Variants in PDE1C observed in about 807,000 individuals in gnomAD.
PDE1C encodes dual specificity calcium/calmodulin-dependent 3',5'-cyclic nucleotide phosphodiesterase 1C.
Under a neutral mutation model 93.1 loss-of-function variants are expected in PDE1C, and 62 were observed. The observed-to-expected ratio is 0.67, with a 90% CI of 0.54 to 0.82. The LOEUF (loss-of-function observed/expected upper bound fraction) is 0.82, where lower values mean the gene tolerates loss of function less well. Among genes scored for constraint, PDE1C ranks in the 40% least tolerant of loss-of-function variants. The probability of loss-of-function intolerance (pLI) is 0.00; values close to 1 mark genes in which losing one functional copy is unlikely to be tolerated. For missense variants in PDE1C, 742 were observed against 884.6 expected, an observed-to-expected ratio of 0.84 and a Z score of 2.04; for synonymous variants, 325 against 310.1, an observed-to-expected ratio of 1.05 and a Z score of -0.50.
intron 2 of PDE1C, among the ~76,000 whole-genome samples, chr7:32,182,204 C>T (rs1258463737): frequency 5.3e-5 from 8 of 152,146 alleles, no homozygotes; most frequent in Admixed American, 2.0e-4. Context: ...GATTCACAGC[C>T]GAATTCTACC....
the PDE1C span, among the ~76,000 whole-genome samples, chr7:31,669,352 T>G: frequency 6.6e-6 from 1 of 152,216 alleles, no homozygotes; most frequent in Non-Finnish European, 1.5e-5. Flanking sequence ...TTTGACCCAC[T>G]GTTAATCTTT....
chr7:31,887,209 T>C (rs1798063658), intron 2 of PDE1C, among the ~76,000 whole-genome samples: 1 of 152,184 alleles, frequency 6.6e-6, no homozygotes, highest in African/African-American at 2.4e-5. Context: ...GTAGTATGGA[T>C]GGTTGCTTTT....
the PDE1C span, among the ~76,000 whole-genome samples, chr7:31,623,735 A>C: frequency 6.9e-6 from 1 of 144,190 alleles, no homozygotes; most frequent in East Asian, 2.2e-4. Context: ...CTCTATCACC[A>C]CGCCTATTCA....
At chr7:32,158,691 T>A (rs1461100823) in intron 3 of PDE1C, among the ~76,000 whole-genome samples, 1 of 152,182 alleles carries the variant, frequency 6.6e-6, no homozygotes, top group Non-Finnish European at 1.5e-5. Context: ...GAAACCTTCA[T>A]TTCGATGCTA....
At chr7:32,358,897 C>CTGTGTGTG (rs71559224) in intron 1 of PDE1C, among the ~76,000 whole-genome samples, 4 of 145,404 alleles carry the variant, frequency 2.8e-5, no homozygotes, top group East Asian at 2.0e-4. Context: ...GTGTGTGTGT[C>CTGTGTGTG]TGTGTGTGTG....
At chr7:31,783,778 A>C (rs1465080043) in intron 16 of PDE1C, 1 of 152,158 alleles carries the variant, frequency 6.6e-6, no homozygotes, top group Non-Finnish European at 1.5e-5. Context: ...GTTAAGCAGC[A>C]TCTTAGAGAA....
chr7:32,021,737 T>C (rs929546258), intron 2 of PDE1C, among the ~76,000 whole-genome samples: 1 of 152,138 alleles, frequency 6.6e-6, no homozygotes, highest in South Asian at 2.1e-4. Context: ...ATCTAGTTGA[T>C]GTCTATCCAC....
intron 1 of PDE1C, among the ~76,000 whole-genome samples, chr7:32,415,359 G>A (rs996905443): frequency 6.6e-6 from 1 of 152,182 alleles, no homozygotes; most frequent in Admixed American, 6.5e-5. Flanking sequence ...GCTGAGGCAG[G>A]AGAATAGCTT....
At chr7:32,278,454 A>G (rs1046061329) in intron 1 of PDE1C, among the ~76,000 whole-genome samples, 3 of 152,262 alleles carry the variant, frequency 2.0e-5, no homozygotes, top group Non-Finnish European at 4.4e-5. Context: ...GACAAACTGC[A>G]TAAGCAGATC....
In PDE1C at chr7:32,117,959, T is replaced by C. The variant is rs189780478; in HGVS notation, c.308+51826A>G. ...TGCATCCTTGAGGGCTGGTTTCTGTTACCCTAAAGGAAGCTTTAACAGGAC... is the reference window on the plus strand; with the variant it reads ...TGCATCCTTGAGGGCTGGTTTCTGTCACCCTAAAGGAAGCTTTAACAGGAC... On this transcript the variant is annotated intron_variant, in intron 3 of 18. Coordinates refer to the PDE1C transcript ENST00000396193. 8.8e-4 allele frequency among the ~76,000 whole-genome samples: 134 copies of C among 152,320 alleles called. 1 individual carries two copies. Among genetic ancestry groups the C allele is most frequent in the African/African-American group, 3.1e-3 (130 of 41,578 alleles).
chr7:32,267,582 A>ACT (rs1562634837), intron 1 of PDE1C, among the ~76,000 whole-genome samples: 932 of 70,394 alleles, frequency 0.013, 5 homozygotes, highest in East Asian at 0.049. Context: ...TCACACACAC[A>ACT]CACACTCTCT....
chr7:31,698,079 A>G, the PDE1C span, among the ~76,000 whole-genome samples: 1 of 152,224 alleles, frequency 6.6e-6, no homozygotes, highest in Non-Finnish European at 1.5e-5. Context: ...ACCTTTGGGC[A>G]GTTTTTCACT....
intron 2 of PDE1C, among the ~76,000 whole-genome samples, chr7:32,195,854 C>T (rs1804575320): frequency 6.6e-6 from 1 of 152,160 alleles, no homozygotes; most frequent in African/African-American, 2.4e-5. Context: ...ACTGGGCTTC[C>T]ATTGCTCCAT....
intron 1 of PDE1C, among the ~76,000 whole-genome samples, chr7:32,321,015 G>A (rs1783281151): frequency 6.6e-6 from 1 of 152,200 alleles, no homozygotes; most frequent in Non-Finnish European, 1.5e-5. Context: ...AATGGGGAGA[G>A]AACGAAGGTG....
At chr7:32,157,559 G>A (rs1358554165) in intron 3 of PDE1C, among the ~76,000 whole-genome samples, 2 of 121,718 alleles carry the variant, frequency 1.6e-5, no homozygotes, top group Admixed American at 8.5e-5. Flanking sequence ...AAAAAATATG[G>A]CTGTTAAAGA....
the PDE1C span, among the ~76,000 whole-genome samples, chr7:31,682,118 T>C: frequency 1.3e-5 from 2 of 152,284 alleles, no homozygotes; most frequent in African/African-American, 2.4e-5. Context: ...AAGAAGGGGA[T>C]GATAACAATA....
At chr7:32,277,532 C>A (rs2128890428) in intron 1 of PDE1C, among the ~76,000 whole-genome samples, 1 of 152,250 alleles carries the variant, frequency 6.6e-6, no homozygotes, top group South Asian at 2.1e-4. Flanking sequence ...AATAACAGAA[C>A]TAAAATTGAT....
chr7:32,350,089 G>GTTC lies in PDE1C; in HGVS notation c.310+77732_310+77733insGAA, dbSNP rs879390940. On this transcript the variant is annotated intron_variant, in intron 1 of 1. Coordinates refer to the PDE1C transcript ENST00000672256. ...GTATTGTCTTGCTGTTGTTGTTGTTGTTGTTCTTCTTCTTCCTTCTTCTTT... is the reference window on the plus strand; with the variant it reads ...GTATTGTCTTGCTGTTGTTGTTGTTGTTCTTGTTCTTCTTCTTCCTTCTTCTTT... Among the ~76,000 whole-genome samples, 738 of 148,584 alleles carry GTTC rather than the reference G, an allele frequency of 5.0e-3. 3 individuals carry two copies. Among genetic ancestry groups the GTTC allele is most frequent in the South Asian group, 0.012 (50 of 4,084 alleles).
chr7:31,679,523 TAGAG>T, the PDE1C span, among the ~76,000 whole-genome samples: 1 of 152,218 alleles, frequency 6.6e-6, no homozygotes, highest in Admixed American at 6.5e-5. Flanking sequence ...CTTATGTTCA[TAGAG>T]AGTTAATGAA....
Sources: allele counts gnomAD v4.1 joint callset (sites outside exome capture counted in the v4.1 genomes callset), GRCh38; gene constraint gnomAD v4.1.1; transcripts MANE v1.5; gene names NCBI Gene and HGNC (gene_info 2026-07-23, HGNC 2026-07-21).